CDH13: variants seen among roughly 807,000 people sequenced by gnomAD.
The protein encoded by CDH13 is cadherin 13.
In CDH13, 24 loss-of-function variants were observed where a neutral mutation model predicts 63.8. The ratio of observed to expected loss-of-function variants is 0.38; its 90% CI spans 0.27 to 0.53. CDH13 has a LOEUF of 0.53. CDH13 is among the 20% of genes least tolerant of loss of function. CDH13 has a pLI of 0.85. For synonymous variants in CDH13, 503 were observed against 355.3 expected (o/e 1.42, Z -4.67); for missense variants, 1,049 against 903.1 (o/e 1.16, Z -2.07).
At chr16:82,869,398 C>T (rs917329765) in intron 2 of CDH13, among the ~76,000 whole-genome samples, 43 of 150,658 alleles carry the variant, frequency 2.9e-4, no homozygotes, top group African/African-American at 1.0e-3. Flanking sequence ...GTGAGAAGTG[C>T]GGAAGGGGTA....
intron 7 of CDH13, among the ~76,000 whole-genome samples, chr16:83,562,007 G>A (rs1055098595): frequency 6.6e-6 from 1 of 152,204 alleles, no homozygotes; most frequent in South Asian, 2.1e-4. Flanking sequence ...ATCCTAGAGA[G>A]CAGAATTCTG....
intron 5 of CDH13, among the ~76,000 whole-genome samples, chr16:83,314,899 T>C (rs1230044607): frequency 6.6e-6 from 1 of 152,200 alleles, no homozygotes; most frequent in Non-Finnish European, 1.5e-5. Context: ...TCCTGTGGGT[T>C]CTTGGGCCTT....
At chr16:82,731,941 A>G (rs1032685100) in intron 1 of CDH13, among the ~76,000 whole-genome samples, 2 of 152,074 alleles carry the variant, frequency 1.3e-5, no homozygotes, top group African/African-American at 2.4e-5. Flanking sequence ...CAGGCCTTTG[A>G]GTGGTTCCTC....
At chr16:83,668,034 G>T (rs1371913275) in intron 8 of CDH13, among the ~76,000 whole-genome samples, 3 of 152,066 alleles carry the variant, frequency 2.0e-5, no homozygotes, top group African/African-American at 7.2e-5. Flanking sequence ...AGGTGACTGG[G>T]GTCCACCAGC....
chr16:83,248,784 T>C (rs1905210275), intron 5 of CDH13, among the ~76,000 whole-genome samples: 1 of 152,156 alleles, frequency 6.6e-6, no homozygotes, highest in Non-Finnish European at 1.5e-5. Context: ...CACCCGTAGC[T>C]TCACCCATCA....
intron 6 of CDH13, among the ~76,000 whole-genome samples, chr16:83,386,240 G>T (rs1937425081): frequency 6.6e-6 from 1 of 152,322 alleles, no homozygotes; most frequent in East Asian, 1.9e-4. Flanking sequence ...ATGGAGAAAA[G>T]ATGTGTGGCC....
At chr16:83,417,841 C>A (rs11648075) in intron 6 of CDH13, among the ~76,000 whole-genome samples, 2 of 151,812 alleles carry the variant, frequency 1.3e-5, no homozygotes, top group East Asian at 1.9e-4. Flanking sequence ...TGTCAGTTTC[C>A]CTAAAATGAA....
chr16:82,710,323 G>A (rs2031814660), intron 1 of CDH13, among the ~76,000 whole-genome samples: 1 of 144,868 alleles, frequency 6.9e-6, no homozygotes, highest in South Asian at 2.1e-4. Flanking sequence ...CATGAGGTCA[G>A]GAGATCGAGA....
At chr16:83,123,041 G>C (rs996342095) in intron 3 of CDH13, among the ~76,000 whole-genome samples, 1 of 152,014 alleles carries the variant, frequency 6.6e-6, no homozygotes, top group Non-Finnish European at 1.5e-5. Flanking sequence ...TTTTCTGTTT[G>C]AGTTATTTCC....
intron 3 of CDH13, among the ~76,000 whole-genome samples, chr16:83,074,112 C>A (rs536073092): frequency 1.3e-5 from 2 of 152,254 alleles, no homozygotes; most frequent in Admixed American, 6.5e-5. Context: ...CCTGTTTGTA[C>A]TTAACTAATT....
At chr16:83,027,308 T>A (rs1233719588) in intron 2 of CDH13, among the ~76,000 whole-genome samples, 1 of 151,986 alleles carries the variant, frequency 6.6e-6, no homozygotes, top group Non-Finnish European at 1.5e-5. Flanking sequence ...AAATACATAA[T>A]ATGGACAGAT....
chr16:83,304,416 G>C (rs898083565), intron 5 of CDH13, among the ~76,000 whole-genome samples: 5 of 152,090 alleles, frequency 3.3e-5, no homozygotes, highest in African/African-American at 7.2e-5. Context: ...GGAATGAGAA[G>C]GAGCTCAAGG....
At chr16:83,447,803 T>C (rs2072756277) in intron 6 of CDH13, among the ~76,000 whole-genome samples, 1 of 150,874 alleles carries the variant, frequency 6.6e-6, no homozygotes, top group Non-Finnish European at 1.5e-5. Context: ...TGATTTATAT[T>C]AAATATCGAC....
At chr16:83,028,735 T>A (rs150847140) in intron 2 of CDH13, among the ~76,000 whole-genome samples, 115 of 152,328 alleles carry the variant, frequency 7.5e-4, no homozygotes, top group African/African-American at 2.6e-3. Context: ...GGCACACAAT[T>A]TGAAACTTAT....
chr16:83,625,266 C>T (rs936669344), intron 8 of CDH13, among the ~76,000 whole-genome samples: 5 of 151,818 alleles, frequency 3.3e-5, no homozygotes, highest in East Asian at 3.9e-4. Flanking sequence ...AATGACGGAC[C>T]CTGTGTTATC....
intron 2 of CDH13, among the ~76,000 whole-genome samples, chr16:82,971,573 G>A (rs771734617): frequency 1.3e-5 from 2 of 152,222 alleles, no homozygotes; most frequent in African/African-American, 4.8e-5. Context: ...ACATCATCCA[G>A]TTCACCATGT....
At chr16:83,426,116 A>T (rs1031972471) in intron 6 of CDH13, among the ~76,000 whole-genome samples, 4 of 152,064 alleles carry the variant, frequency 2.6e-5, no homozygotes, top group Non-Finnish European at 5.9e-5. Context: ...CTTTGGAAGA[A>T]CCTTTCTTCT....
chr16:83,070,537 A>T (rs1443637947), intron 3 of CDH13, among the ~76,000 whole-genome samples: 6 of 152,128 alleles, frequency 3.9e-5, no homozygotes, highest in African/African-American at 7.2e-5. Context: ...GTGCAGTATT[A>T]AAAAAACTAT....
chr16:82,682,011 A>G (rs1914601953), intron 1 of CDH13, among the ~76,000 whole-genome samples: 1 of 152,074 alleles, frequency 6.6e-6, no homozygotes, highest in African/African-American at 2.4e-5. Flanking sequence ...CACCTTCCAA[A>G]TCAGGTGGGG....
Sources: gnomAD v4.1 joint callset for allele counts (sites outside exome capture counted in the v4.1 genomes callset) on GRCh38, gnomAD v4.1.1 for gene constraint, MANE v1.5 for transcripts, NCBI Gene and HGNC (gene_info 2026-07-23, HGNC 2026-07-21) for gene names.